DOCK1: variants seen among roughly 807,000 people sequenced by gnomAD.
DOCK1 encodes the protein dedicator of cytokinesis protein 1.
DOCK1 carries 138 observed loss-of-function variants against 262.7 expected under a neutral mutation model. The ratio of observed to expected loss-of-function variants is 0.53; its 90% CI spans 0.46 to 0.61. The LOEUF is 0.61. Ranked by LOEUF, DOCK1 falls within the 20% of genes least tolerant of loss-of-function variation. DOCK1 has a pLI of 0.00. For synonymous variants in DOCK1, 866 were observed against 867.4 expected, an observed-to-expected ratio of 1.00 and a Z score of 0.03; for missense variants, 1,908 against 2,370.7, an observed-to-expected ratio of 0.80 and a Z score of 4.05.
intron 30 of DOCK1, among the ~76,000 whole-genome samples, chr10:127,341,734 C>G (rs934109129): frequency 2.6e-5 from 4 of 152,194 alleles, no homozygotes; most frequent in African/African-American, 9.7e-5. Flanking sequence ...GGACTCTCAC[C>G]GTGAGCCCGC....
intron 22 of DOCK1, among the ~76,000 whole-genome samples, chr10:127,058,121 G>A (rs886382117): frequency 1.3e-5 from 2 of 151,134 alleles, no homozygotes; most frequent in Admixed American, 6.6e-5. Flanking sequence ...AAAGGATCAC[G>A]GCAAAATGCT....
At chr10:126,910,411 G>A (rs1276091574) in intron 1 of DOCK1, among the ~76,000 whole-genome samples, 1 of 152,234 alleles carries the variant, frequency 6.6e-6, no homozygotes, top group Non-Finnish European at 1.5e-5. Flanking sequence ...GTGTGGCGCT[G>A]ACGCCCCAGG....
At chr10:127,216,044 T>C (rs2058194796) in intron 27 of DOCK1, among the ~76,000 whole-genome samples, 1 of 152,134 alleles carries the variant, frequency 6.6e-6, no homozygotes, top group African/African-American at 2.4e-5. Flanking sequence ...TGCTCCCCAG[T>C]AAACTATCTT....
At chr10:127,214,883 G>T (rs1385615530) in intron 27 of DOCK1, among the ~76,000 whole-genome samples, 2 of 152,130 alleles carry the variant, frequency 1.3e-5, no homozygotes, top group African/African-American at 4.8e-5. Flanking sequence ...TCATATTTAT[G>T]ATATTGTCAT....
At chr10:127,090,248 A>G (rs2047437570) in intron 23 of DOCK1, among the ~76,000 whole-genome samples, 1 of 151,916 alleles carries the variant, frequency 6.6e-6, no homozygotes, top group African/African-American at 2.4e-5. Flanking sequence ...TGGCACCGGA[A>G]CTCATTAAGA....
chr10:126,943,505 A>C (rs909917962), intron 1 of DOCK1, among the ~76,000 whole-genome samples: 2 of 152,178 alleles, frequency 1.3e-5, no homozygotes, highest in African/African-American at 4.8e-5. Flanking sequence ...GTATGTAAGC[A>C]CCTACTGAAT....
chr10:126,986,403 G>A (rs1053551437), intron 4 of DOCK1, among the ~76,000 whole-genome samples: 2 of 152,086 alleles, frequency 1.3e-5, no homozygotes, highest in African/African-American at 2.4e-5. Context: ...AGCATCCCTC[G>A]GCATCCCATG....
intron 27 of DOCK1, chr10:127,153,747 C>T: frequency 1.2e-6 from 1 of 854,982 alleles, no homozygotes; most frequent in African/African-American, 1.7e-5. Context: ...CACTTTTTGT[C>T]TGATAGAATC....
intron 27 of DOCK1, among the ~76,000 whole-genome samples, chr10:127,146,362 C>T (rs1481707061): frequency 1.3e-5 from 2 of 152,134 alleles, no homozygotes; most frequent in Non-Finnish European, 2.9e-5. Flanking sequence ...AGAATTAAGG[C>T]ATTGCTAAAC....
Position 127,381,653 on chromosome 10 carries a change from A to G in DOCK1, c.3807+285A>G, listed in dbSNP as rs181197028. 7.9e-5 allele frequency among the ~76,000 whole-genome samples: 12 copies of G among 152,324 alleles called. No homozygotes were observed. In the East Asian group the frequency reaches 1.2e-3, roughly 15 times the overall value. ...CTGACAGCAAGTTAGAGATTCTACAATTCCTTGTTCAGGACTACAGGACTC... is the reference window on the plus strand; with the variant it reads ...CTGACAGCAAGTTAGAGATTCTACAGTTCCTTGTTCAGGACTACAGGACTC... On this transcript the variant is annotated intron_variant, in intron 37 of 51. Transcript: ENST00000623213.
At chr10:127,427,186 C>T (rs532817367) in intron 47 of DOCK1, among the ~76,000 whole-genome samples, 23 of 152,308 alleles carry the variant, frequency 1.5e-4, no homozygotes, top group African/African-American at 5.3e-4. Context: ...CCTGCCGGCA[C>T]TGAGGGGGTG....
chr10:127,195,713 C>T (rs985715648), intron 27 of DOCK1, among the ~76,000 whole-genome samples: 1 of 152,242 alleles, frequency 6.6e-6, no homozygotes, highest in Non-Finnish European at 1.5e-5. Context: ...GGCGCAGCCC[C>T]GCTCCTCCCT....
At chr10:127,051,483 A>G (rs1265663680) in intron 21 of DOCK1, among the ~76,000 whole-genome samples, 1 of 152,216 alleles carries the variant, frequency 6.6e-6, no homozygotes, top group Non-Finnish European at 1.5e-5. Context: ...AAAATGAATA[A>G]AAGTGTCTGA....
At chr10:126,948,551 G>A (rs1182384310) in intron 1 of DOCK1, among the ~76,000 whole-genome samples, 4 of 151,962 alleles carry the variant, frequency 2.6e-5, no homozygotes, top group South Asian at 2.1e-4. Flanking sequence ...TCTTTTTTAC[G>A]TGGGGTGGGG....
At chr10:127,301,491 G>A (rs964923673) in intron 29 of DOCK1, among the ~76,000 whole-genome samples, 1 of 152,178 alleles carries the variant, frequency 6.6e-6, no homozygotes, top group African/African-American at 2.4e-5. Flanking sequence ...TTTACAAAAC[G>A]GCTTCGCTTT....
chr10:127,238,850 T>A (rs1174752170), intron 27 of DOCK1, among the ~76,000 whole-genome samples: 2 of 152,184 alleles, frequency 1.3e-5, no homozygotes, highest in African/African-American at 4.8e-5. Context: ...TCATTGAATG[T>A]TGGTTGAGTG....
At chr10:127,382,831 T>C (rs1004371554) in intron 37 of DOCK1, among the ~76,000 whole-genome samples, 37 of 152,360 alleles carry the variant, frequency 2.4e-4, no homozygotes, top group African/African-American at 8.9e-4. Flanking sequence ...GCATCATTTG[T>C]TTAATCATTG....
intron 18 of DOCK1, among the ~76,000 whole-genome samples, chr10:127,034,325 T>G (rs1340872785): frequency 6.6e-6 from 1 of 152,156 alleles, no homozygotes; most frequent in Non-Finnish European, 1.5e-5. Flanking sequence ...AGAGAGCTTG[T>G]GCAGGGGAAC....
intron 29 of DOCK1, among the ~76,000 whole-genome samples, chr10:127,259,789 A>T (rs1313055461): frequency 1.4e-5 from 2 of 144,982 alleles, no homozygotes; most frequent in African/African-American, 5.1e-5. Flanking sequence ...TTAGTTCATG[A>T]TTTTTTTTTT....
Sources: gnomAD v4.1 joint callset for allele counts (sites outside exome capture counted in the v4.1 genomes callset) on GRCh38, gnomAD v4.1.1 for gene constraint, MANE v1.5 for transcripts, NCBI Gene and HGNC (gene_info 2026-07-23, HGNC 2026-07-21) for gene names.